B4GALT6: variants seen among roughly 807,000 people sequenced by gnomAD.
B4GALT6 encodes beta-1,4-galactosyltransferase 6.
In B4GALT6, 14 loss-of-function variants were observed where a neutral mutation model predicts 46.3. The ratio of observed to expected loss-of-function variants is 0.30; its 90% CI spans 0.20 to 0.47. B4GALT6 has a LOEUF of 0.47. B4GALT6 is among the 20% of genes least tolerant of loss of function. The pLI is 0.99. For missense variants in B4GALT6, 386 were observed against 480.1 expected, an observed-to-expected ratio of 0.80 and a Z score of 1.83; for synonymous variants, 168 against 162.0, an observed-to-expected ratio of 1.04 and a Z score of -0.28.
upstream of B4GALT6, among the ~76,000 whole-genome samples, chr18:31,687,511 C>A (rs537749565): frequency 1.9e-4 from 29 of 152,134 alleles, no homozygotes; most frequent in Non-Finnish European, 3.5e-4. Flanking sequence ...TTTCCAAACC[C>A]ACAATATCAA....
the B4GALT6 span, among the ~76,000 whole-genome samples, chr18:31,709,494 C>A: frequency 6.9e-6 from 1 of 144,242 alleles, no homozygotes; most frequent in Non-Finnish European, 1.5e-5. Flanking sequence ...TTCAGAATAA[C>A]ATATGGTATC....
At chr18:31,647,840 A>G (rs2074010360) in intron 3 of B4GALT6, among the ~76,000 whole-genome samples, 1 of 152,152 alleles carries the variant, frequency 6.6e-6, no homozygotes, top group African/African-American at 2.4e-5. Flanking sequence ...TGGTTTCCAA[A>G]CCGTCCTTGG....
rs181850341 is a variant in B4GALT6, at chr18:31,672,869, A to G, written c.116-6497T>C. 2.9e-3 allele frequency among the ~76,000 whole-genome samples: 437 copies of G among 152,272 alleles called. 2 individuals are homozygous for G. Among genetic ancestry groups the G allele is most frequent in the African/African-American group, 9.4e-3 (392 of 41,552 alleles). On this transcript the variant is annotated intron_variant, in intron 1 of 8. Coordinates refer to ENST00000306851, the MANE Select transcript of B4GALT6 (RefSeq NM_004775.5). ...GACCATCACACCATTTAGCCTCTTT[A>G]AAAAGCCTACAGGAGATCACTGTAA...
chr18:31,682,946 C>A (rs978111134), intron 1 of B4GALT6, among the ~76,000 whole-genome samples: 1 of 152,240 alleles, frequency 6.6e-6, no homozygotes, highest in East Asian at 1.9e-4. Context: ...GTACTATAGG[C>A]TTCAAGGGGT....
At chr18:31,670,108 C>A (rs1296054152) in intron 1 of B4GALT6, among the ~76,000 whole-genome samples, 1 of 150,400 alleles carries the variant, frequency 6.6e-6, no homozygotes, top group Non-Finnish European at 1.5e-5. Flanking sequence ...GGTTGGAGTG[C>A]GGTAGCTCCA....
At chr18:31,629,355 T>G (rs1332814795) in intron 6 of B4GALT6, among the ~76,000 whole-genome samples, 1 of 151,834 alleles carries the variant, frequency 6.6e-6, no homozygotes, top group African/African-American at 2.4e-5. Context: ...AAATTGATAT[T>G]TTCAAGTTAA....
intron 1 of B4GALT6, among the ~76,000 whole-genome samples, chr18:31,684,003 A>G (rs1191791969): frequency 6.6e-6 from 1 of 152,226 alleles, no homozygotes; most frequent in Non-Finnish European, 1.5e-5. Flanking sequence ...AAATGGATAA[A>G]GCTGTCATGA....
chr18:31,723,656 C>A, the B4GALT6 span, among the ~76,000 whole-genome samples: 1 of 152,118 alleles, frequency 6.6e-6, no homozygotes. Context: ...CCCCGGCAGC[C>A]CCTGCCTAAT....
At chr18:31,689,046 GGAA>G (rs1437103275), upstream of B4GALT6, among the ~76,000 whole-genome samples, 1 of 152,096 alleles carries the variant, frequency 6.6e-6, no homozygotes, top group East Asian at 1.9e-4. Context: ...CACTGACAGG[GGAA>G]AAACTGGTAC....
intron 3 of B4GALT6, among the ~76,000 whole-genome samples, chr18:31,655,269 C>G (rs1026273205): frequency 2.0e-5 from 3 of 152,200 alleles, no homozygotes; most frequent in African/African-American, 7.2e-5. Context: ...GCTGTATTTT[C>G]TACCAAATCA....
chr18:31,624,868 T>C lies in B4GALT6; in HGVS notation c.*746A>G, dbSNP rs1327506784. The stretch of plus-strand genomic sequence containing the variant: ...CAACTTTTAAGATTTTTCTTGGTAA[T>C]ACTCATGCAATATGCATAAACAATA... On this transcript the variant is annotated 3_prime_UTR_variant, in exon 9 of 9. Coordinates refer to ENST00000306851, the MANE Select transcript of B4GALT6 (RefSeq NM_004775.5). The C allele has an allele frequency of 1.3e-5, 2 of 152,652 alleles. No individual in the cohort carries two copies. Among genetic ancestry groups the C allele is most frequent in the East Asian group, 3.8e-4 (2 of 5,198 alleles). 9.5% of individuals were successfully genotyped at this position (152,652 alleles called of 1,614,324 possible).
the B4GALT6 span, among the ~76,000 whole-genome samples, chr18:31,706,094 A>G: frequency 6.6e-6 from 1 of 152,210 alleles, no homozygotes; most frequent in Non-Finnish European, 1.5e-5. Flanking sequence ...GTAAATGTTC[A>G]ATAAATGTTA....
chr18:31,707,858 A>G, the B4GALT6 span, among the ~76,000 whole-genome samples: 184 of 152,316 alleles, frequency 1.2e-3, no homozygotes, highest in African/African-American at 4.3e-3. Context: ...CATATTCACA[A>G]TATGCTATAA....
In B4GALT6 at chr18:31,671,912, A is replaced by T. The variant is rs548092383; in HGVS notation, c.116-5540T>A. 6.6e-5 allele frequency among the ~76,000 whole-genome samples: 10 copies of T among 152,342 alleles called. No individual in the cohort carries two copies. In the South Asian group the frequency reaches 8.3e-4, roughly 13 times the overall value. ...GGGTAACAACATCAGAAAAAAATTT[A>T]AAAAATAGAAAGAATAAAACCTATC... On this transcript the variant is annotated intron_variant, in intron 1 of 8. Coordinates refer to ENST00000306851, the MANE Select transcript of B4GALT6 (RefSeq NM_004775.5).
chr18:31,656,416 C>T (rs6650637), intron 3 of B4GALT6, among the ~76,000 whole-genome samples: 191 of 151,850 alleles, frequency 1.3e-3, no homozygotes, highest in African/African-American at 4.4e-3. Flanking sequence ...GTAGAAGATA[C>T]ACACACAAAA....
At chr18:31,660,707 G>A (rs2074202863) in intron 2 of B4GALT6, among the ~76,000 whole-genome samples, 1 of 151,772 alleles carries the variant, frequency 6.6e-6, no homozygotes, top group African/African-American at 2.4e-5. Flanking sequence ...ATACATAATA[G>A]GAGTTCCAAA....
Position 31,624,454 on chromosome 18 carries a change from C to T in B4GALT6, c.*1160G>A, listed in dbSNP as rs1044933701. On this transcript the variant is annotated 3_prime_UTR_variant, in exon 9 of 9. Coordinates refer to ENST00000306851, the MANE Select transcript of B4GALT6 (RefSeq NM_004775.5). ...ATATAGTTTGAATGAAACTAACATT[C>T]AAGGGTCCCCTCCAAAAGTGAAATT... 1 of 151,816 alleles carries T rather than the reference C, an allele frequency of 6.6e-6. No homozygotes were observed. The highest frequency in any genetic ancestry group is 1.5e-5 in the Non-Finnish European group (1 of 67,866). The allele number at this position is 151,816 out of a possible 1,614,324, so 9.4% of individuals were successfully genotyped here.
intron 1 of B4GALT6, among the ~76,000 whole-genome samples, chr18:31,673,833 TGAG>T (rs1567982064): frequency 1.3e-5 from 2 of 152,134 alleles, no homozygotes; most frequent in South Asian, 2.1e-4. Context: ...GATTCTGAGA[TGAG>T]GAGATCATCC....
chr18:31,665,583 T>TA (rs1183489236), intron 2 of B4GALT6, among the ~76,000 whole-genome samples: 3 of 151,046 alleles, frequency 2.0e-5, no homozygotes, highest in Non-Finnish European at 3.0e-5. Context: ...ATCAAAAATT[T>TA]AAAAAAAAAT....
Sources: allele counts gnomAD v4.1 joint callset (sites outside exome capture counted in the v4.1 genomes callset), GRCh38; gene constraint gnomAD v4.1.1; transcripts MANE v1.5; gene names NCBI Gene and HGNC (gene_info 2026-07-23, HGNC 2026-07-21).